The following BLK variants were observed in gnomAD, a reference collection of about 807,000 sequenced individuals.
BLK encodes tyrosine-protein kinase Blk.
Under a neutral mutation model 61.8 loss-of-function variants are expected in BLK, and 64 were observed. That is an observed-to-expected ratio of 1.03 (90% CI 0.85 to 1.27). The LOEUF (loss-of-function observed/expected upper bound fraction) is 1.27. Ranked by LOEUF, BLK falls within the 50% of genes most tolerant of loss-of-function variation. The pLI is 0.00. For synonymous variants in BLK, 351 were observed against 272.0 expected (o/e 1.29, Z -2.86); for missense variants, 853 against 660.5 (o/e 1.29, Z -3.19).
intron 1 of BLK, among the ~76,000 whole-genome samples, chr8:11,520,476 C>CAAAAAAAAAAAAA (rs71203393): frequency 1.1e-4 from 8 of 69,676 alleles, no homozygotes; most frequent in African/African-American, 4.0e-4. Context: ...GACCTTGTCT[C>CAAAAAAAAAAAAA]AAAAAAAAAA....
chr8:11,500,518 TTG>T (rs1798516615), intron 1 of BLK, among the ~76,000 whole-genome samples: 1 of 151,476 alleles, frequency 6.6e-6, no homozygotes, highest in African/African-American at 2.4e-5. Context: ...TTGTTTTATT[TTG>T]TTTTTGTTTG....
In BLK at chr8:11,556,909, C is replaced by T. The variant is rs1167775096; in HGVS notation, c.952+72C>T. 2.2e-5 allele frequency: 31 copies of T among 1,435,266 alleles called. 1 individual carries two copies. The Admixed American group carries it at 3.4e-4, about 16-fold the overall frequency. 88.9% of individuals were successfully genotyped at this position (1,435,266 alleles called of 1,614,324 possible). A position where few individuals can be genotyped will look rare whatever the true frequency, so the allele number is the denominator to read the frequency against. On this transcript the variant is annotated intron_variant, in intron 9 of 12. Transcript: ENST00000259089. ...CGGGCTTAGCAGGAGGAGGAGGGTC[C>T]GCTGCGGTGGGTTCACCAGGCCAGG...
Position 11,549,083 on chromosome 8 carries a change from G to C in BLK, c.329G>C (p.Ser110Thr). The stretch of plus-strand genomic sequence containing the variant: ...ACAGGAAGAGAAGGCTATGTGCCCA[G>C]TAACTTTGTGGCCCGAGTGGAGAGC... ...LVTGREGYVP[S>T]NFVARVESLE... is the part of the protein sequence containing the mutation. The change falls in exon 5 of 13, where the codon AGT (serine) becomes ACT (threonine). Residue 110 changes from serine to threonine, a missense_variant. Transcript: ENST00000259089. The C allele has an allele frequency of 6.2e-7, 1 of 1,611,842 alleles. No homozygotes were observed. Among genetic ancestry groups the C allele is most frequent in the Non-Finnish European group, 8.5e-7 (1 of 1,179,192 alleles).
intron 1 of BLK, among the ~76,000 whole-genome samples, chr8:11,496,313 C>T (rs1396930654): frequency 3.3e-5 from 5 of 152,220 alleles, no homozygotes; most frequent in Non-Finnish European, 5.9e-5. Flanking sequence ...GATCATCGCT[C>T]ACTGCAGCAC....
chr8:11,528,573 T>G (rs1303655210), intron 1 of BLK, among the ~76,000 whole-genome samples: 1 of 152,108 alleles, frequency 6.6e-6, no homozygotes, highest in East Asian at 1.9e-4. Flanking sequence ...AGGCTAATGA[T>G]TGCTCTAACT....
chr8:11,531,414 T>C (rs1799881852), intron 1 of BLK, among the ~76,000 whole-genome samples: 3 of 152,210 alleles, frequency 2.0e-5, no homozygotes, highest in South Asian at 4.1e-4. Context: ...TGCTTCTGAC[T>C]CATATTCTTT....
chr8:11,533,815 G>A (rs1800001217), intron 1 of BLK, among the ~76,000 whole-genome samples: 1 of 152,222 alleles, frequency 6.6e-6, no homozygotes, highest in Admixed American at 6.5e-5. Context: ...AAGCTATGCA[G>A]AAATATACTA....
intron 1 of BLK, among the ~76,000 whole-genome samples, chr8:11,534,208 A>C (rs1800017427): frequency 6.6e-6 from 1 of 152,262 alleles, no homozygotes; most frequent in Non-Finnish European, 1.5e-5. Flanking sequence ...GTAATGACCC[A>C]TGATTTGATT....
chr8:11,523,133 G>A (rs536452524), intron 1 of BLK, among the ~76,000 whole-genome samples: 1 of 152,238 alleles, frequency 6.6e-6, no homozygotes, highest in African/African-American at 2.4e-5. Flanking sequence ...CTATCATCTA[G>A]GAGTGAGGAA....
At chr8:11,550,055 A>G in intron 5 of BLK, 104 bp from the exon 6 acceptor site, 1 of 1,055,434 alleles carries the variant, frequency 9.5e-7, no homozygotes, top group Non-Finnish European at 1.5e-6. Flanking sequence ...CAGAAATGCT[A>G]GATTTTTATT....
chr8:11,556,648 C>A lies in BLK; in HGVS notation c.773-10C>A, dbSNP rs1801242665. On this transcript the variant is annotated splice_polypyrimidine_tract_variant and intron_variant, in intron 8 of 12. Coordinates refer to ENST00000259089, the MANE Select transcript of BLK (RefSeq NM_001715.3). ...TCTTCTGATTGGCTTCTTCACTCCC[C>A]CGGGCTCAGGTTACTACAAAAACAA... The A allele has an allele frequency of 6.2e-7, 1 of 1,614,008 alleles. No individual in the cohort carries two copies. The highest frequency in any genetic ancestry group is 1.7e-5 in the Admixed American group (1 of 59,998).
chr8:11,535,927 C>T (rs747282429), intron 1 of BLK, among the ~76,000 whole-genome samples: 2 of 152,202 alleles, frequency 1.3e-5, no homozygotes, highest in Non-Finnish European at 2.9e-5. Context: ...TAGGACTGGC[C>T]TTTACAAATC....
At chr8:11,530,263 A>C (rs994559005) in intron 1 of BLK, among the ~76,000 whole-genome samples, 1 of 152,170 alleles carries the variant, frequency 6.6e-6, no homozygotes, top group African/African-American at 2.4e-5. Flanking sequence ...ACTTGTATGA[A>C]TTGGGTGAAT....
chr8:11,501,503 C>T (rs1213858684), intron 1 of BLK, among the ~76,000 whole-genome samples: 1 of 152,080 alleles, frequency 6.6e-6, no homozygotes, highest in Middle Eastern at 3.2e-3. Context: ...AGATGAAGAG[C>T]ATGGCGTCCT....
At chr8:11,528,621 T>G (rs546647643) in intron 1 of BLK, among the ~76,000 whole-genome samples, 5 of 152,344 alleles carry the variant, frequency 3.3e-5, no homozygotes, top group African/African-American at 1.2e-4. Context: ...GGGGAGGGGT[T>G]GACCCCAGGG....
At chr8:11,557,798 G>T in intron 9 of BLK, 164 bp from the exon 10 acceptor site, 1 of 643,690 alleles carries the variant, frequency 1.6e-6, no homozygotes, top group South Asian at 1.6e-5. Flanking sequence ...AAAGTGGAAG[G>T]CACTCGGCAG....
chr8:11,501,097 T>C lies in BLK; in HGVS notation c.-2+6506T>C, dbSNP rs1036799324. ...GGTGGCAGGCACCTGTAATCCCAGC[T>C]ACTCAGAAGGCTGAGGCAGGAGAAT... On this transcript the variant is annotated intron_variant, in intron 1 of 12. Transcript: ENST00000259089. Among the ~76,000 whole-genome samples, 105 of 152,132 alleles carry C rather than the reference T, an allele frequency of 6.9e-4. 1 individual carries two copies. The highest frequency in any genetic ancestry group is 6.0e-3 in the Admixed American group (92 of 15,288).
intron 1 of BLK, among the ~76,000 whole-genome samples, chr8:11,515,800 C>A (rs1156365363): frequency 2.0e-5 from 3 of 152,210 alleles, no homozygotes; most frequent in African/African-American, 4.8e-5. Context: ...TTCTTCAGAA[C>A]AGTGGCTTCA....
intron 1 of BLK, among the ~76,000 whole-genome samples, chr8:11,530,257 G>T (rs2117374392): frequency 6.6e-6 from 1 of 152,232 alleles, no homozygotes; most frequent in South Asian, 2.1e-4. Context: ...GCAGATACTT[G>T]TATGAATTGG....
Sources: allele counts gnomAD v4.1 joint callset (sites outside exome capture counted in the v4.1 genomes callset), GRCh38; gene constraint gnomAD v4.1.1; transcripts MANE v1.5; gene names NCBI Gene and HGNC (gene_info 2026-07-23, HGNC 2026-07-21).